Variants in LOC400499 observed in about 807,000 individuals in gnomAD.
At chr16:11,501,317 C>G in the LOC400499 span, among the ~76,000 whole-genome samples, 2 of 152,052 alleles carry the variant, frequency 1.3e-5, no homozygotes, top group Non-Finnish European at 2.9e-5. Context: ...CAAACAGTCC[C>G]TAATTTAAAC....
the LOC400499 span, among the ~76,000 whole-genome samples, chr16:11,516,822 C>T: frequency 6.6e-6 from 1 of 152,074 alleles, no homozygotes. Flanking sequence ...AATTTTTAAA[C>T]CTTTTGTAGA....
chr16:11,482,368 G>C, the LOC400499 span, among the ~76,000 whole-genome samples: 7 of 152,336 alleles, frequency 4.6e-5, no homozygotes, highest in East Asian at 1.4e-3. Context: ...GAGCTGAACA[G>C]AGAGCATGCT....
the LOC400499 span, among the ~76,000 whole-genome samples, chr16:11,429,707 C>A: frequency 5.9e-5 from 9 of 151,884 alleles, no homozygotes; most frequent in African/African-American, 2.2e-4. Flanking sequence ...CTCCTGGCTA[C>A]AAGTGATCTG....
chr16:11,461,167 C>G, the LOC400499 span: 3 of 1,488,946 alleles, frequency 2.0e-6, no homozygotes, highest in East Asian at 2.5e-5. Flanking sequence ...CCCCAGGGAC[C>G]AGCACCCCCA....
chr16:11,501,221 G>A, the LOC400499 span, among the ~76,000 whole-genome samples: 55 of 150,838 alleles, frequency 3.6e-4, no homozygotes, highest in South Asian at 1.5e-3. Context: ...ACACAAGTCC[G>A]TACCCAGTGC....
the LOC400499 span, chr16:11,392,680 T>C: frequency 4.3e-4 from 313 of 735,892 alleles, 2 homozygotes; most frequent in South Asian, 4.2e-3. Flanking sequence ...CCCTCTTCTG[T>C]CCCCTCCCCC....
chr16:11,482,162 G>C, the LOC400499 span, among the ~76,000 whole-genome samples: 1 of 152,160 alleles, frequency 6.6e-6, no homozygotes, highest in Admixed American at 6.5e-5. Flanking sequence ...ACAGACATCA[G>C]GCAATCCAAG....
At chr16:11,402,135 G>A in the LOC400499 span, 1 of 399,122 alleles carries the variant, frequency 2.5e-6, no homozygotes, top group Admixed American at 4.4e-5. Flanking sequence ...GGCAGGGGGA[G>A]GGGCAGCGGG....
At chr16:11,437,367 GAAC>G in the LOC400499 span, among the ~76,000 whole-genome samples, 1 of 152,170 alleles carries the variant, frequency 6.6e-6, no homozygotes, top group East Asian at 1.9e-4. Context: ...AGACCAGCCT[GAAC>G]AACAGAGCAA....
At chr16:11,426,350 C>T in the LOC400499 span, among the ~76,000 whole-genome samples, 2 of 151,812 alleles carry the variant, frequency 1.3e-5, no homozygotes, top group African/African-American at 2.4e-5. Context: ...GTAGGAGACT[C>T]GCTTGAAACT....
the LOC400499 span, among the ~76,000 whole-genome samples, chr16:11,463,097 G>A: frequency 2.0e-5 from 3 of 152,212 alleles, no homozygotes; most frequent in African/African-American, 7.2e-5. Flanking sequence ...TTCTCTGCTG[G>A]TCAGTGGTGC....
chr16:11,432,571 G>T, the LOC400499 span, among the ~76,000 whole-genome samples: 19 of 152,144 alleles, frequency 1.2e-4, no homozygotes, highest in African/African-American at 4.3e-4. Context: ...CCTACTCCAG[G>T]GTCATAATGA....
the LOC400499 span, chr16:11,494,615 C>T: frequency 2.5e-6 from 1 of 399,052 alleles, no homozygotes. Flanking sequence ...ACAGTTCTCA[C>T]CCAAGGCGTC....
the LOC400499 span, among the ~76,000 whole-genome samples, chr16:11,517,896 G>A: frequency 6.6e-6 from 1 of 152,182 alleles, no homozygotes; most frequent in African/African-American, 2.4e-5. Flanking sequence ...AGACCCTACA[G>A]GCTAGCAAGA....
chr16:11,496,330 G>T, the LOC400499 span, among the ~76,000 whole-genome samples: 1 of 152,126 alleles, frequency 6.6e-6, no homozygotes, highest in Non-Finnish European at 1.5e-5. Context: ...GCCTCCCAAA[G>T]TGCTGGGATT....
At chr16:11,434,570 G>C in the LOC400499 span, among the ~76,000 whole-genome samples, 1 of 152,246 alleles carries the variant, frequency 6.6e-6, no homozygotes, top group African/African-American at 2.4e-5. Context: ...TGGGGAAAAA[G>C]ACCCCCTGTT....
chr16:11,408,451 ATTTTTT>A, the LOC400499 span, among the ~76,000 whole-genome samples: 2 of 131,212 alleles, frequency 1.5e-5, no homozygotes, highest in African/African-American at 2.9e-5. Flanking sequence ...TCAGTGCAGG[ATTTTTT>A]TTTTTTTTTT....
the LOC400499 span, among the ~76,000 whole-genome samples, chr16:11,492,392 G>A: frequency 6.6e-6 from 1 of 151,750 alleles, no homozygotes; most frequent in East Asian, 1.9e-4. Context: ...TGTGCTAGGT[G>A]ACAGCCATAA....
chr16:11,478,665 G>C, the LOC400499 span: 1 of 399,174 alleles, frequency 2.5e-6, no homozygotes, highest in Non-Finnish European at 4.4e-6. Flanking sequence ...GAGCCTGCCG[G>C]GCCCCACGCC....
Sources: gnomAD v4.1 joint callset for allele counts (sites outside exome capture counted in the v4.1 genomes callset) on GRCh38, gnomAD v4.1.1 for gene constraint, MANE v1.5 for transcripts.